Variants in TNIP3 observed in about 807,000 individuals in gnomAD.
The protein encoded by TNIP3 is TNFAIP3 interacting protein 3, also known as TNFAIP3-interacting protein 3.
A neutral mutation model predicts 54.1 loss-of-function variants in TNIP3; 34 were observed. The ratio of observed to expected loss-of-function variants is 0.63; its 90% CI spans 0.48 to 0.84. The LOEUF is 0.84. Ranked by LOEUF, TNIP3 falls within the 40% of genes least tolerant of loss-of-function variation. The pLI, the probability that TNIP3 is intolerant of heterozygous loss-of-function variation, is 0.00. For missense variants in TNIP3, 366 were observed against 387.6 expected (o/e 0.94, Z 0.47); for synonymous variants, 134 against 136.8 (o/e 0.98, Z 0.14).
intron 1 of TNIP3, among the ~76,000 whole-genome samples, chr4:121,224,101 A>T (rs1461696124): frequency 6.6e-6 from 1 of 152,194 alleles, no homozygotes; most frequent in Non-Finnish European, 1.5e-5. Context: ...GATAATAAAA[A>T]GTTGAGATGC....
In TNIP3 at chr4:121,161,151, T is replaced by C. The variant is rs1209990979; in HGVS notation, c.132A>G (p.Glu44=). ...TCTAAGTTACCTCTTTTCTTTGTTT[T>C]TCCAAACACCTTATCTTTTGTTCAA... ...NSLEQKIRCL[E]KQRKELLEVN... The change falls in exon 2 of 11, where the codon GAA becomes GAG. Residue 44 remains glutamate (E), a synonymous_variant. Coordinates refer to ENST00000057513, the MANE Select transcript of TNIP3 (RefSeq NM_024873.6). The C allele has an allele frequency of 6.3e-7, 1 of 1,586,616 alleles. No homozygotes were observed. The highest frequency in any genetic ancestry group is 1.1e-5 in the South Asian group (1 of 88,216).
At chr4:121,221,080 T>G (rs1030782696), upstream of TNIP3, among the ~76,000 whole-genome samples, 2 of 152,208 alleles carry the variant, frequency 1.3e-5, no homozygotes, top group African/African-American at 4.8e-5. Flanking sequence ...TCTCATGGCC[T>G]TTTGCAGTTT....
upstream of TNIP3, among the ~76,000 whole-genome samples, chr4:121,166,759 C>G (rs1259098918): frequency 1.3e-5 from 2 of 152,074 alleles, no homozygotes; most frequent in African/African-American, 4.8e-5. Flanking sequence ...AAGAAACATG[C>G]CTTTTTCCTT....
rs577104329 is a variant in TNIP3, at chr4:121,212,559, G to T, written c.68+3856C>A. 2.0e-5 allele frequency among the ~76,000 whole-genome samples: 3 copies of T among 152,274 alleles called. No individual in the cohort carries two copies. The South Asian group carries it at 6.2e-4, about 32-fold the overall frequency. On this transcript the variant is annotated intron_variant, in intron 2 of 12. Transcript: ENST00000507879. ...TAGTAAAATTTATGAAAAAAATTAT[G>T]ATTGGTCTATGATGTTTTGCCTGTC... is the stretch of plus-strand genomic sequence containing the variant.
chr4:121,182,335 C>A (rs1363277960), intron 3 of TNIP3, among the ~76,000 whole-genome samples: 1 of 152,182 alleles, frequency 6.6e-6, no homozygotes, highest in Non-Finnish European at 1.5e-5. Flanking sequence ...TTGTGCTGAT[C>A]TTGGTAACCC....
At chr4:121,181,365 A>C (rs1187616472) in intron 3 of TNIP3, among the ~76,000 whole-genome samples, 1 of 152,192 alleles carries the variant, frequency 6.6e-6, no homozygotes, top group Admixed American at 6.5e-5. Context: ...TTGGAGGTGT[A>C]TATGTGAGGG....
rs1281594879 is a variant in TNIP3, at chr4:121,131,833, C to A, written c.*798G>T. The A allele has an allele frequency of 6.6e-6, 1 of 152,066 alleles. No individual in the cohort carries two copies. Among genetic ancestry groups the A allele is most frequent in the East Asian group, 1.9e-4 (1 of 5,190 alleles). The allele number at this position is 152,066 out of a possible 1,614,324, so 9.4% of individuals were successfully genotyped here. A position where few individuals can be genotyped will look rare whatever the true frequency, so the allele number is the denominator to read the frequency against. ...ATTTATAGTAGAGATGGGGTTTCACCATGCTGGCCAGGCTGGTCTAGAACT... is the reference window on the plus strand; with the variant it reads ...ATTTATAGTAGAGATGGGGTTTCACAATGCTGGCCAGGCTGGTCTAGAACT... On this transcript the variant is annotated 3_prime_UTR_variant, in exon 11 of 11. Coordinates refer to ENST00000057513, the MANE Select transcript of TNIP3 (RefSeq NM_024873.6).
At chr4:121,146,071 ATTAT>A (rs1422886354) in intron 7 of TNIP3, among the ~76,000 whole-genome samples, 1 of 151,778 alleles carries the variant, frequency 6.6e-6, no homozygotes, top group African/African-American at 2.4e-5. Context: ...TATTGTATGA[ATTAT>A]TTATTAGGTT....
chr4:121,205,248 G>T (rs1455606356), intron 2 of TNIP3, among the ~76,000 whole-genome samples: 1 of 152,188 alleles, frequency 6.6e-6, no homozygotes, highest in African/African-American at 2.4e-5. Flanking sequence ...TATGGGCCAT[G>T]TGGCTTATTG....
At chr4:121,209,735 G>T (rs1015810314) in intron 2 of TNIP3, among the ~76,000 whole-genome samples, 2 of 152,142 alleles carry the variant, frequency 1.3e-5, no homozygotes, top group African/African-American at 4.8e-5. Flanking sequence ...CAAATAGGAA[G>T]AGATAAATAT....
chr4:121,204,294 G>C (rs1293304223), intron 2 of TNIP3, among the ~76,000 whole-genome samples: 1 of 152,094 alleles, frequency 6.6e-6, no homozygotes, highest in Non-Finnish European at 1.5e-5. Flanking sequence ...ATTTGGAGAG[G>C]CTAATCAGAA....
At chr4:121,172,982 A>G (rs1724060735) in intron 3 of TNIP3, among the ~76,000 whole-genome samples, 1 of 152,242 alleles carries the variant, frequency 6.6e-6, no homozygotes, top group South Asian at 2.1e-4. Flanking sequence ...ACAGCCCCGT[A>G]AGAAGAGGCA....
intron 3 of TNIP3, among the ~76,000 whole-genome samples, chr4:121,158,039 T>C (rs1404796776): frequency 6.6e-6 from 1 of 152,226 alleles, no homozygotes; most frequent in Non-Finnish European, 1.5e-5. Flanking sequence ...ATACTCATGG[T>C]CAAGTTTCTT....
At chr4:121,219,148 C>T (rs1483346207), upstream of TNIP3, among the ~76,000 whole-genome samples, 6 of 151,644 alleles carry the variant, frequency 4.0e-5, no homozygotes, top group African/African-American at 9.7e-5. Context: ...TGCAGTGAGC[C>T]GAGATCACAC....
At chr4:121,178,443 C>T (rs987511734) in intron 3 of TNIP3, among the ~76,000 whole-genome samples, 1 of 152,160 alleles carries the variant, frequency 6.6e-6, no homozygotes, top group Non-Finnish European at 1.5e-5. Flanking sequence ...TCACCTCAGT[C>T]GCAAGAGCAA....
chr4:121,165,973 C>T (rs915203388), upstream of TNIP3, among the ~76,000 whole-genome samples: 3 of 152,184 alleles, frequency 2.0e-5, no homozygotes. Flanking sequence ...TGCACATACA[C>T]ACTCCATAGT....
chr4:121,216,269 G>A (rs1296180124), intron 2 of TNIP3: 8 of 616,612 alleles, frequency 1.3e-5, no homozygotes, highest in African/African-American at 9.4e-5. Flanking sequence ...ACTGTTACCC[G>A]TCATCTTTTC....
intron 3 of TNIP3, among the ~76,000 whole-genome samples, chr4:121,172,049 T>C (rs1035681370): frequency 6.6e-6 from 1 of 152,154 alleles, no homozygotes; most frequent in Non-Finnish European, 1.5e-5. Context: ...CCCCTACTTC[T>C]AGGTACTCAT....
chr4:121,181,092 T>A (rs1412785935), intron 3 of TNIP3, among the ~76,000 whole-genome samples: 4 of 152,160 alleles, frequency 2.6e-5, no homozygotes, highest in Non-Finnish European at 5.9e-5. Flanking sequence ...AAAGGAGACA[T>A]AACCTGTAGC....
Sources: allele counts gnomAD v4.1 joint callset (sites outside exome capture counted in the v4.1 genomes callset), GRCh38; gene constraint gnomAD v4.1.1; transcripts MANE v1.5; gene names NCBI Gene and HGNC (gene_info 2026-07-23, HGNC 2026-07-21).